KCNH7: variants seen among roughly 807,000 people sequenced by gnomAD.
KCNH7 encodes the protein voltage-gated inwardly rectifying potassium channel KCNH7.
In KCNH7, 49 loss-of-function variants were observed where a neutral mutation model predicts 120.8. The ratio of observed to expected loss-of-function variants is 0.41; its 90% CI spans 0.32 to 0.51. KCNH7 has a LOEUF of 0.51. Ranked by LOEUF, KCNH7 falls within the 20% of genes least tolerant of loss-of-function variation. The probability of loss-of-function intolerance (pLI) is 0.38; values close to 1 mark genes in which losing one functional copy is unlikely to be tolerated. For synonymous variants in KCNH7, 547 were observed against 516.1 expected, an observed-to-expected ratio of 1.06 and a Z score of -0.81; for missense variants, 1,097 against 1,446.6, an observed-to-expected ratio of 0.76 and a Z score of 3.92.
At chr2:162,821,625 G>GT (rs1412387122) in intron 2 of KCNH7, among the ~76,000 whole-genome samples, 1 of 152,136 alleles carries the variant, frequency 6.6e-6, no homozygotes, top group South Asian at 2.1e-4. Flanking sequence ...AACAGTCCTG[G>GT]TTTTTTCCTA....
chr2:162,536,861 G>A, intron 3 of KCNH7, 64 bp downstream of exon 3: 2 of 1,368,654 alleles, frequency 1.5e-6, no homozygotes, highest in Non-Finnish European at 2.1e-6. Context: ...AATGAAGACT[G>A]TATTAAAGTG....
chr2:162,511,843 T>G (rs922911418), intron 5 of KCNH7, among the ~76,000 whole-genome samples: 1 of 151,734 alleles, frequency 6.6e-6, no homozygotes, highest in South Asian at 2.1e-4. Flanking sequence ...GCAACACACA[T>G]GCACAAAATA....
Position 162,400,447 on chromosome 2 carries a change from G to GA in KCNH7, c.2155-7dup, listed in dbSNP as rs778712528. On this transcript the variant is annotated splice_region_variant and splice_polypyrimidine_tract_variant and intron_variant, in intron 9 of 15. Coordinates refer to ENST00000332142, the MANE Select transcript of KCNH7 (RefSeq NM_033272.4). ...TCTGGGAAACCCTTTAGGACCTGAG[G>GA]AAAAAAAGAAAGAGTTTCATACTAC... The GA allele has an allele frequency of 1.9e-6, 3 of 1,607,202 alleles. No individual in the cohort carries two copies. The highest frequency in any genetic ancestry group is 2.2e-5 in the East Asian group (1 of 44,706).
rs77485497 is a variant in KCNH7 at position 162,613,719 on chromosome 2, G to A, written c.308-76639C>T. Among the ~76,000 whole-genome samples the A allele has an allele frequency of 4.5e-3, 687 of 151,802 alleles. 7 individuals carry two copies. The highest frequency in any genetic ancestry group is 0.016 in the African/African-American group (650 of 41,444). ...CATCTGATTAAAATTTAGATAATCC[G>A]AGACAATCATGGATGGTATAAAACA... On this transcript the variant is annotated intron_variant, in intron 2 of 15. Coordinates refer to ENST00000332142, the MANE Select transcript of KCNH7 (RefSeq NM_033272.4).
At chr2:162,440,394 T>A (rs1363214946) in intron 7 of KCNH7, among the ~76,000 whole-genome samples, 2 of 152,026 alleles carry the variant, frequency 1.3e-5, no homozygotes, top group Non-Finnish European at 2.9e-5. Context: ...AGATAAGTAA[T>A]AAATTTCATT....
At chr2:162,751,360 C>T (rs1688542942) in intron 2 of KCNH7, among the ~76,000 whole-genome samples, 1 of 152,070 alleles carries the variant, frequency 6.6e-6, no homozygotes, top group Non-Finnish European at 1.5e-5. Context: ...TACTAATTTA[C>T]CTTTTTCTGC....
chr2:162,399,336 ATTT>A (rs897474638), intron 10 of KCNH7, among the ~76,000 whole-genome samples: 1 of 151,350 alleles, frequency 6.6e-6, no homozygotes, highest in African/African-American at 2.4e-5. Context: ...ATTTATTTTT[ATTT>A]TTATTATTTA....
intron 2 of KCNH7, among the ~76,000 whole-genome samples, chr2:162,688,200 C>A (rs558485144): frequency 6.6e-6 from 1 of 152,208 alleles, no homozygotes; most frequent in East Asian, 1.9e-4. Context: ...CATCCTTTAG[C>A]TGTTAAGAAT....
chr2:162,481,695 A>G (rs746077119), intron 6 of KCNH7, among the ~76,000 whole-genome samples: 2 of 152,180 alleles, frequency 1.3e-5, no homozygotes, highest in Non-Finnish European at 2.9e-5. Flanking sequence ...ATGTCACATG[A>G]ATGAATACAT....
At chr2:162,735,965 GA>G (rs1204720309) in intron 2 of KCNH7, among the ~76,000 whole-genome samples, 2 of 152,174 alleles carry the variant, frequency 1.3e-5, no homozygotes, top group East Asian at 3.9e-4. Context: ...ATTGAATGTT[GA>G]AGTACTTGTA....
chr2:162,564,834 T>C (rs1489903003), intron 2 of KCNH7, among the ~76,000 whole-genome samples: 4 of 152,168 alleles, frequency 2.6e-5, no homozygotes, highest in Non-Finnish European at 5.9e-5. Flanking sequence ...TTCTTCTGCA[T>C]CAAACTGCTT....
chr2:162,731,709 A>G (rs1274412621), intron 2 of KCNH7, among the ~76,000 whole-genome samples: 1 of 152,164 alleles, frequency 6.6e-6, no homozygotes, highest in Non-Finnish European at 1.5e-5. Context: ...AAAATGATCT[A>G]TACTAAATTT....
chr2:162,413,694 A>G (rs1318137373), intron 9 of KCNH7, among the ~76,000 whole-genome samples: 2 of 151,604 alleles, frequency 1.3e-5, no homozygotes, highest in African/African-American at 4.9e-5. Context: ...AATGACTCAT[A>G]TATTCCAAAA....
rs1358888876 is a variant in KCNH7, at chr2:162,624,963, T to A, written c.308-87883A>T. 3.5e-5 allele frequency among the ~76,000 whole-genome samples: 5 copies of A among 144,784 alleles called. No individual in the cohort carries two copies. The East Asian group carries it at 1.1e-3, about 31-fold the overall frequency. The allele number at this position is 144,784 out of a possible 152,430, so 95.0% of individuals were successfully genotyped here. A position where few individuals can be genotyped will look rare whatever the true frequency, so the allele number is the denominator to read the frequency against. On this transcript the variant is annotated intron_variant, in intron 2 of 15. Transcript: ENST00000332142. ...CCCAAGCAGGAGGGCAATGCTATGA[T>A]CTAGGCTCACCTCCACCTCCACCTC...
intron 6 of KCNH7, among the ~76,000 whole-genome samples, chr2:162,484,511 AC>A (rs769988763): frequency 1.3e-5 from 2 of 152,152 alleles, no homozygotes. Flanking sequence ...AACCAGAGAG[AC>A]CGCAATAAGT....
chr2:162,523,120 G>A (rs1271846376), intron 3 of KCNH7, among the ~76,000 whole-genome samples: 3 of 151,836 alleles, frequency 2.0e-5, no homozygotes, highest in Admixed American at 6.6e-5. Context: ...GCACAAAACA[G>A]CAGTTTCCGT....
intron 6 of KCNH7, among the ~76,000 whole-genome samples, chr2:162,498,255 G>A (rs560938246): frequency 1.1e-4 from 16 of 151,966 alleles, no homozygotes; most frequent in East Asian, 3.9e-4. Context: ...GTCATAGTAC[G>A]ACAAATACTA....
chr2:162,607,906 G>A (rs1158008777), intron 2 of KCNH7, among the ~76,000 whole-genome samples: 3 of 152,126 alleles, frequency 2.0e-5, no homozygotes, highest in Non-Finnish European at 4.4e-5. Flanking sequence ...CAGCTAGCTT[G>A]AAGATACAAA....
chr2:162,423,332 A>C lies in KCNH7; in HGVS notation c.2154+4T>G. 6.2e-7 allele frequency: 1 copy of C among 1,614,072 alleles called. No homozygotes were observed. On this transcript the variant is annotated splice_donor_region_variant and intron_variant, in intron 9 of 15. Coordinates refer to ENST00000332142, the MANE Select transcript of KCNH7 (RefSeq NM_033272.4). The stretch of plus-strand genomic sequence containing the variant: ...CTTTCATTTTGGAAAACAGACATAC[A>C]TACCATGTTCATGTCAATGCCATTG...
Sources: allele counts gnomAD v4.1 joint callset (sites outside exome capture counted in the v4.1 genomes callset), GRCh38; gene constraint gnomAD v4.1.1; transcripts MANE v1.5; gene names NCBI Gene and HGNC (gene_info 2026-07-23, HGNC 2026-07-21).